CEMIP2: variants seen among roughly 807,000 people sequenced by gnomAD.
CEMIP2 encodes the protein cell migration inducing hyaluronidase 2, also known as cell surface hyaluronidase CEMIP2.
Under a neutral mutation model 146.9 loss-of-function variants are expected in CEMIP2, and 79 were observed. The ratio of observed to expected loss-of-function variants is 0.54; its 90% CI spans 0.45 to 0.65. CEMIP2 has a LOEUF of 0.65. Ranked by LOEUF, CEMIP2 falls within the 30% of genes least tolerant of loss-of-function variation. The pLI is 0.00. For missense variants in CEMIP2, 1,596 were observed against 1,696.2 expected, an observed-to-expected ratio of 0.94 and a Z score of 1.04; for synonymous variants, 601 against 606.3, an observed-to-expected ratio of 0.99 and a Z score of 0.13.
chr9:71,766,893 G>A (rs1410351936), intron 1 of CEMIP2, among the ~76,000 whole-genome samples: 1 of 152,174 alleles, frequency 6.6e-6, no homozygotes, highest in Non-Finnish European at 1.5e-5. Flanking sequence ...TTCCAGTTCC[G>A]CCCAAACTGA....
intron 1 of CEMIP2, among the ~76,000 whole-genome samples, chr9:71,760,059 ATTAT>A (rs1824584695): frequency 6.6e-6 from 1 of 151,932 alleles, no homozygotes; most frequent in Non-Finnish European, 1.5e-5. Context: ...TAGAATAAGT[ATTAT>A]TTAAAGTTGA....
At chr9:71,713,195 G>A (rs1366295779) in intron 15 of CEMIP2, among the ~76,000 whole-genome samples, 2 of 152,170 alleles carry the variant, frequency 1.3e-5, no homozygotes, top group Non-Finnish European at 2.9e-5. Context: ...GAGGGACCCA[G>A]CGGGAGATGA....
At chr9:71,739,385 A>G in intron 5 of CEMIP2, among the ~76,000 whole-genome samples, 1 of 129,164 alleles carries the variant, frequency 7.7e-6, no homozygotes. Context: ...AAAAAAAAAA[A>G]AAAAAAGATG....
At chr9:71,730,012 C>A (rs767720000) in intron 9 of CEMIP2, 36 bp downstream of exon 9, 1 of 1,613,514 alleles carries the variant, frequency 6.2e-7, no homozygotes, top group Non-Finnish European at 8.5e-7. Flanking sequence ...GTCAAAGGCC[C>A]TGACTCATGG....
intron 1 of CEMIP2, among the ~76,000 whole-genome samples, chr9:71,756,191 C>CTAGATAGGTAGATAGATAGATAGA (rs1554689288): frequency 7.8e-6 from 1 of 128,480 alleles, no homozygotes; most frequent in Admixed American, 7.7e-5. Flanking sequence ...AGCAAAAATG[C>CTAGATAGGTAGATAGATAGATAGA]TAGATAGATA....
chr9:71,717,275 C>T (rs977102475), intron 13 of CEMIP2, among the ~76,000 whole-genome samples: 77 of 152,162 alleles, frequency 5.1e-4, no homozygotes, highest in African/African-American at 1.8e-3. Flanking sequence ...GTTTTAAAAA[C>T]AACTAGACTG....
rs561647959 is a variant in CEMIP2, at chr9:71,749,636, G to A, written c.331+407C>T. On this transcript the variant is annotated intron_variant, in intron 2 of 23. Transcript: ENST00000377044. ...CATGAGAATCATTTGAACCCAGGGG[G>A]CGGAGGTTACAGTGAGCCAAGAACA... 1.2e-3 allele frequency among the ~76,000 whole-genome samples: 184 copies of A among 152,150 alleles called. 1 individual carries two copies. Among genetic ancestry groups the A allele is most frequent in the Non-Finnish European group, 2.4e-3 (163 of 68,004 alleles).
intron 18 of CEMIP2, among the ~76,000 whole-genome samples, chr9:71,703,910 T>C (rs1447791098): frequency 6.6e-6 from 1 of 152,220 alleles, no homozygotes; most frequent in East Asian, 1.9e-4. Flanking sequence ...CTCTATCATT[T>C]GTCCACTAAA....
At chr9:71,746,398 A>G in intron 2 of CEMIP2, 57 bp from the exon 3 acceptor site, 5 of 1,593,448 alleles carry the variant, frequency 3.1e-6, no homozygotes, top group Non-Finnish European at 4.3e-6. Context: ...AATATAGCCG[A>G]ATCTAAGCAC....
intron 4 of CEMIP2, among the ~76,000 whole-genome samples, chr9:71,741,392 T>A (rs1177504704): frequency 6.6e-6 from 1 of 151,264 alleles, no homozygotes; most frequent in Admixed American, 6.6e-5. Context: ...AGATGGGGTT[T>A]CTCCATGTTG....
At chr9:71,685,471 G>A in intron 23 of CEMIP2, 78 bp from the exon 24 acceptor site, 1 of 1,377,766 alleles carries the variant, frequency 7.3e-7, no homozygotes, top group Admixed American at 3.0e-5. Context: ...TATAGGAGGT[G>A]AGTCGGAGGT....
chr9:71,743,150 G>A (rs1220395508), intron 4 of CEMIP2, among the ~76,000 whole-genome samples: 4 of 151,204 alleles, frequency 2.6e-5, no homozygotes, highest in South Asian at 4.3e-4. Flanking sequence ...CAAAGAAGCC[G>A]GACACAAAAT....
In CEMIP2 at chr9:71,684,331, A is replaced by G. The variant is rs932103206; in HGVS notation, c.*866T>C. ...ACCAAGAACAGACTTCCTTTGTGCA[A>G]GTTAAAATGATACAAGTTTACGGTT... On this transcript the variant is annotated 3_prime_UTR_variant, in exon 24 of 24. Transcript: ENST00000377044. 1 of 152,566 alleles carries G rather than the reference A, an allele frequency of 6.6e-6. No homozygotes were observed. Among genetic ancestry groups the G allele is most frequent in the African/African-American group, 2.4e-5 (1 of 41,450 alleles). 9.5% of individuals were successfully genotyped at this position (152,566 alleles called of 1,614,324 possible).
chr9:71,769,326 T>G (rs1824900772), upstream of CEMIP2, among the ~76,000 whole-genome samples: 1 of 152,166 alleles, frequency 6.6e-6, no homozygotes, highest in African/African-American at 2.4e-5. Context: ...GTAAAGAGAT[T>G]TCCACACTCC....
intron 1 of CEMIP2, among the ~76,000 whole-genome samples, chr9:71,755,869 T>C (rs1011970881): frequency 1.2e-4 from 17 of 142,586 alleles, no homozygotes; most frequent in African/African-American, 4.3e-4. Flanking sequence ...GACTGAGGCA[T>C]GAGGATCACT....
chr9:71,720,069 G>A (rs755286166), intron 12 of CEMIP2, among the ~76,000 whole-genome samples: 16 of 151,968 alleles, frequency 1.1e-4, no homozygotes, highest in African/African-American at 2.2e-4. Flanking sequence ...ACTTTTTCCC[G>A]ATTTTCTTAT....
rs934630238 is a variant in CEMIP2, at chr9:71,712,258, G to A, written c.2594C>T (p.Thr865Met). The A allele has an allele frequency of 1.7e-5, 28 of 1,613,416 alleles. No individual in the cohort carries two copies. The highest frequency in any genetic ancestry group is 6.7e-5 in the African/African-American group (5 of 74,840). The change falls in exon 16 of 24, where the codon ACG (threonine) becomes ATG (methionine). Residue 865 changes from threonine to methionine, a missense_variant and splice_region_variant. Thr to Met is a moderately conservative substitution (Grantham distance 81). Transcript: ENST00000377044. The stretch of plus-strand genomic sequence containing the variant: ...AATCTGAAAGCCTCTAATTGGGAAC[G>A]TCCTGTGGAAATACAAGATTTTGTT... ...QKPRTLPRNR[T>M]FPIRGFQIYD...
intron 12 of CEMIP2, among the ~76,000 whole-genome samples, chr9:71,718,988 C>G (rs1436835280): frequency 1.2e-4 from 18 of 152,060 alleles, no homozygotes; most frequent in Admixed American, 1.2e-3. Context: ...CAGTTGGTGT[C>G]AAAAACTGTC....
At chr9:71,701,781 C>T (rs1563998769) in intron 18 of CEMIP2, among the ~76,000 whole-genome samples, 1 of 152,190 alleles carries the variant, frequency 6.6e-6, no homozygotes, top group African/African-American at 2.4e-5. Flanking sequence ...ATCATTTTCT[C>T]TCTTTTTTGA....
Sources: allele counts gnomAD v4.1 joint callset (sites outside exome capture counted in the v4.1 genomes callset), GRCh38; gene constraint gnomAD v4.1.1; transcripts MANE v1.5; gene names NCBI Gene and HGNC (gene_info 2026-07-23, HGNC 2026-07-21).